The following PLOD2 variants were observed in gnomAD, a reference collection of about 807,000 sequenced individuals.
PLOD2 encodes the protein procollagen-lysine,2-oxoglutarate 5-dioxygenase 2.
A neutral mutation model predicts 101.0 loss-of-function variants in PLOD2; 65 were observed. The ratio of observed to expected loss-of-function variants is 0.64; its 90% CI spans 0.53 to 0.79. The LOEUF (loss-of-function observed/expected upper bound fraction) is 0.79, where lower values mean the gene tolerates loss of function less well. PLOD2 is among the 30% of genes least tolerant of loss of function. The pLI is 0.00. For missense variants in PLOD2, 909 were observed against 914.6 expected (o/e 0.99, Z 0.08); for synonymous variants, 314 against 302.9 (o/e 1.04, Z -0.38).
chr3:146,095,817 T>C (rs568054842), intron 7 of PLOD2, among the ~76,000 whole-genome samples: 86 of 151,274 alleles, frequency 5.7e-4, no homozygotes, highest in African/African-American at 2.0e-3. Context: ...CAAATGCCCA[T>C]CAATGATAGA....
At chr3:146,123,255 G>T (rs1362925126) in intron 2 of PLOD2, 4 of 1,080,222 alleles carry the variant, frequency 3.7e-6, no homozygotes, top group Admixed American at 4.7e-5. Flanking sequence ...TTTGCTTTTT[G>T]TGTTCCTACC....
At chr3:146,119,639 G>C (rs555454531) in intron 3 of PLOD2, among the ~76,000 whole-genome samples, 14 of 151,378 alleles carry the variant, frequency 9.2e-5, no homozygotes, top group African/African-American at 2.9e-4. Flanking sequence ...TCCCCTTCCT[G>C]TGTCCATGTG....
chr3:146,106,834 TAG>T (rs1221925676), intron 4 of PLOD2, among the ~76,000 whole-genome samples, 190 bp from the exon 5 acceptor site: 1 of 152,214 alleles, frequency 6.6e-6, no homozygotes, highest in Admixed American at 6.5e-5. Flanking sequence ...TAAACTCCAA[TAG>T]AGTGTTTGCT....
chr3:146,105,725 GA>G (rs1211101756), intron 5 of PLOD2, among the ~76,000 whole-genome samples: 1 of 152,162 alleles, frequency 6.6e-6, no homozygotes, highest in Non-Finnish European at 1.5e-5. Flanking sequence ...GGGAACCAAG[GA>G]TCCAGTCCCT....
At chr3:146,119,049 A>T (rs1183665646) in intron 3 of PLOD2, among the ~76,000 whole-genome samples, 1 of 152,272 alleles carries the variant, frequency 6.6e-6, no homozygotes, top group Non-Finnish European at 1.5e-5. Flanking sequence ...TCATGTTGAA[A>T]CGTAACCCTC....
Position 146,091,905 on chromosome 3 carries a change from G to C in PLOD2, c.778-4C>G. 1 of 1,443,172 alleles carries C rather than the reference G, an allele frequency of 6.9e-7. No homozygotes were observed. The highest frequency in any genetic ancestry group is 9.8e-7 in the Non-Finnish European group (1 of 1,024,670). 89.4% of individuals were successfully genotyped at this position (1,443,172 alleles called of 1,614,324 possible). ...TTCCAAAATAATTCAGGAGAATCTT[G>C]TAAATGAAGGAAAAGGTTATTAATG... On this transcript the variant is annotated splice_region_variant and splice_polypyrimidine_tract_variant and intron_variant, in intron 7 of 19. Transcript: ENST00000282903.
intron 4 of PLOD2, among the ~76,000 whole-genome samples, chr3:146,107,201 A>C (rs1231806721): frequency 6.6e-6 from 1 of 152,224 alleles, no homozygotes; most frequent in Non-Finnish European, 1.5e-5. Context: ...TACTTTGGCC[A>C]GTCATTATTG....
chr3:146,146,397 C>T (rs2031777353), intron 1 of PLOD2, among the ~76,000 whole-genome samples: 2 of 152,084 alleles, frequency 1.3e-5, no homozygotes, highest in East Asian at 3.9e-4. Flanking sequence ...ATGGTCCTAT[C>T]CCTATCACTT....
rs563059895 is a variant in PLOD2 at position 146,137,216 on chromosome 3, C to T, written c.110-12987G>A. 1.5e-4 allele frequency among the ~76,000 whole-genome samples: 23 copies of T among 152,280 alleles called. No homozygotes were observed. In the South Asian group the frequency reaches 4.4e-3, roughly 29 times the overall value. ...TTCTGAAAATAACAGGAATACAGCT[C>T]CATAATGTTGCTTCTAAATAATTGG... On this transcript the variant is annotated intron_variant, in intron 1 of 19. Coordinates refer to ENST00000282903, the MANE Select transcript of PLOD2 (RefSeq NM_182943.3).
chr3:146,155,589 ACCTGTAAT>A (rs2032268567), intron 1 of PLOD2, among the ~76,000 whole-genome samples: 1 of 150,996 alleles, frequency 6.6e-6, no homozygotes, highest in Admixed American at 6.6e-5. Flanking sequence ...GGTGGCGGGC[ACCTGTAAT>A]CCCAGCTTCT....
At chr3:146,143,211 G>C (rs1249442418) in intron 1 of PLOD2, among the ~76,000 whole-genome samples, 1 of 151,436 alleles carries the variant, frequency 6.6e-6, no homozygotes. Flanking sequence ...ACACAAAGAA[G>C]ACTATAAGTT....
chr3:146,075,227 T>C (rs1936287557), intron 15 of PLOD2, among the ~76,000 whole-genome samples: 2 of 151,584 alleles, frequency 1.3e-5, no homozygotes, highest in Admixed American at 6.6e-5. Context: ...AATATTTTCC[T>C]ATTCAGAATA....
chr3:146,160,642 T>C, intron 1 of PLOD2: 1 of 541,174 alleles, frequency 1.8e-6, no homozygotes. Context: ...TGCAGGGAAA[T>C]TCGGGCACGC....
At chr3:146,141,382 T>C (rs1192126475) in intron 1 of PLOD2, among the ~76,000 whole-genome samples, 1 of 152,078 alleles carries the variant, frequency 6.6e-6, no homozygotes, top group Non-Finnish European at 1.5e-5. Flanking sequence ...TCGTTTTTAT[T>C]GAAAGAAAAG....
chr3:146,150,523 G>A (rs2032006058), intron 1 of PLOD2, among the ~76,000 whole-genome samples: 1 of 152,160 alleles, frequency 6.6e-6, no homozygotes, highest in Non-Finnish European at 1.5e-5. Context: ...GAAGCTAAAT[G>A]ATGAGAACTC....
chr3:146,107,032 C>A (rs943919704), intron 4 of PLOD2, among the ~76,000 whole-genome samples: 8 of 152,124 alleles, frequency 5.3e-5, no homozygotes, highest in Non-Finnish European at 1.0e-4. Flanking sequence ...GGATTCTCTG[C>A]GGAGAACTCA....
At chr3:146,111,434 T>G (rs924133302) in intron 3 of PLOD2, among the ~76,000 whole-genome samples, 10 of 152,046 alleles carry the variant, frequency 6.6e-5, no homozygotes, top group African/African-American at 2.2e-4. Context: ...TCTTTACACT[T>G]AAGTGTAAAG....
chr3:146,111,291 C>T lies in PLOD2; in HGVS notation c.339-843G>A, dbSNP rs138159085. The stretch of plus-strand genomic sequence containing the variant: ...GTTTCCAATGATGATAAATTAATGA[C>T]TTACCATCCCAGGTAGCTAACAGCA... On this transcript the variant is annotated intron_variant, in intron 3 of 19. Transcript: ENST00000282903. 7.7e-3 allele frequency among the ~76,000 whole-genome samples: 1,166 copies of T among 152,228 alleles called. 8 individuals carry two copies. The highest frequency in any genetic ancestry group is 0.011 in the Admixed American group (175 of 15,268).
At chr3:146,096,033 C>T (rs900454175) in intron 7 of PLOD2, among the ~76,000 whole-genome samples, 8 of 147,774 alleles carry the variant, frequency 5.4e-5, no homozygotes, top group African/African-American at 9.9e-5. Context: ...ATTGCAGGCG[C>T]GCGCCGCCAC....
Sources: gnomAD v4.1 joint callset for allele counts (sites outside exome capture counted in the v4.1 genomes callset) on GRCh38, gnomAD v4.1.1 for gene constraint, MANE v1.5 for transcripts, NCBI Gene and HGNC (gene_info 2026-07-23, HGNC 2026-07-21) for gene names.